Variants in POLR1F observed in about 807,000 individuals in gnomAD.
POLR1F encodes the protein DNA-directed RNA polymerase I subunit RPA43.
Under a neutral mutation model 21.8 loss-of-function variants are expected in POLR1F, and 23 were observed. That is an observed-to-expected ratio of 1.05 (90% CI 0.76 to 1.49). POLR1F has a LOEUF of 1.49. POLR1F is among the 40% of genes most tolerant of loss of function. The probability of loss-of-function intolerance (pLI) is 0.00; values close to 1 mark genes in which losing one functional copy is unlikely to be tolerated. For synonymous variants in POLR1F, 162 were observed against 152.8 expected, an observed-to-expected ratio of 1.06 and a Z score of -0.45; for missense variants, 435 against 412.1, an observed-to-expected ratio of 1.06 and a Z score of -0.48.
rs371562045 is a variant in POLR1F at position 19,698,285 on chromosome 7, C to G, written c.*31G>C. The stretch of plus-strand genomic sequence containing the variant: ...ATTCATCTATTGTATGTAGATCGAT[C>G]TTTTAAAAACTGAATCGTGTTTAAA... On this transcript the variant is annotated 3_prime_UTR_variant, in exon 4 of 4. Transcript: ENST00000222567. 5 of 1,521,250 alleles carry G rather than the reference C, an allele frequency of 3.3e-6. No homozygotes were observed. In the African/African-American group the frequency reaches 7.0e-5, roughly 21 times the overall value. 94.2% of individuals were successfully genotyped at this position (1,521,250 alleles called of 1,614,324 possible).
chr7:19,695,748 G>A lies in POLR1F; in HGVS notation c.*2568C>T, dbSNP rs1032270925. On this transcript the variant is annotated 3_prime_UTR_variant, in exon 4 of 4. Transcript: ENST00000222567. ...AGCCTTGTCTGGAAAAAGTTTATGC[G>A]AAGGTGGTGCCTGAGGTCTTTTACA... The A allele has an allele frequency of 1.1e-4, 16 of 152,104 alleles. No individual in the cohort carries two copies. Among genetic ancestry groups the A allele is most frequent in the African/African-American group, 2.4e-4 (10 of 41,426 alleles). 9.4% of individuals were successfully genotyped at this position (152,104 alleles called of 1,614,324 possible).
chr7:19,699,746 G>C lies in POLR1F; in HGVS notation c.605+326C>G, dbSNP rs554555816. On this transcript the variant is annotated intron_variant, in intron 3 of 3. Transcript: ENST00000222567. ...GGCCAATAGTTAGGAAGGTAATTGT[G>C]CTTTCAGTAGTTTCAAGTTTAGAGG... Among the ~76,000 whole-genome samples, 119 of 152,068 alleles carry C rather than the reference G, an allele frequency of 7.8e-4. 1 individual carries two copies. Among genetic ancestry groups the C allele is most frequent in the Non-Finnish European group, 1.5e-3 (101 of 67,970 alleles).
intron 1 of POLR1F, 72 bp from the exon 2 acceptor site, chr7:19,704,992 C>A: frequency 6.9e-7 from 1 of 1,452,974 alleles, no homozygotes; most frequent in South Asian, 1.5e-5. Flanking sequence ...GAGACAGGGT[C>A]TTGCTCTGTC....
rs1202932116 is a variant in POLR1F at position 19,698,407 on chromosome 7, T to C, written c.926A>G (p.Lys309Arg). 3.7e-6 allele frequency: 6 copies of C among 1,608,366 alleles called. No individual in the cohort carries two copies. Among genetic ancestry groups the C allele is most frequent in the African/African-American group, 1.3e-5 (1 of 74,402 alleles). The change falls in exon 4 of 4, where the codon AAA becomes AGA. Residue 309 changes from lysine to arginine, a missense_variant. Physicochemically the swap from Lys to Arg is conservative, Grantham distance 26. Coordinates refer to ENST00000222567, the MANE Select transcript of POLR1F (RefSeq NM_001002926.2). Reference sequence around the variant, plus strand: ...TTCACTGTGTTTTCTTTTCTTTTTTTTCTTTTTATGGTCACTTTGGTAACC... The same window carrying C: ...TTCACTGTGTTTTCTTTTCTTTTTTCTCTTTTTATGGTCACTTTGGTAACC... The part of the protein sequence containing the change: ...SSGYQSDHKK[K>R]KKKRKHSEEA...
chr7:19,703,321 G>A (rs1783468795), intron 2 of POLR1F, among the ~76,000 whole-genome samples: 1 of 152,134 alleles, frequency 6.6e-6, no homozygotes, highest in African/African-American at 2.4e-5. Flanking sequence ...AGAAGGAATT[G>A]GGCCAGGAAA....
At chr7:19,707,231 C>A (rs1030002807) in intron 1 of POLR1F, among the ~76,000 whole-genome samples, 2 of 152,138 alleles carry the variant, frequency 1.3e-5, no homozygotes, top group African/African-American at 4.8e-5. Flanking sequence ...TCTTAAACTG[C>A]AAATCTGATA....
At chr7:19,701,643 C>G (rs1246756326) in intron 2 of POLR1F, among the ~76,000 whole-genome samples, 1 of 152,122 alleles carries the variant, frequency 6.6e-6, no homozygotes, top group Non-Finnish European at 1.5e-5. Context: ...AGAGTAAATA[C>G]TAGGGACAAT....
intron 1 of POLR1F, among the ~76,000 whole-genome samples, chr7:19,706,054 GCCTT>G (rs1449085020): frequency 2.6e-5 from 4 of 152,092 alleles, no homozygotes; most frequent in African/African-American, 9.7e-5. Context: ...TGACTCTAAG[GCCTT>G]TGATAGCAAA....
intron 2 of POLR1F, among the ~76,000 whole-genome samples, chr7:19,701,208 A>T (rs941222137): frequency 1.3e-5 from 2 of 152,230 alleles, no homozygotes; most frequent in Non-Finnish European, 2.9e-5. Flanking sequence ...ATTATTCAGT[A>T]ATAAAGATAA....
At chr7:19,701,273 G>T (rs1783442864) in intron 2 of POLR1F, among the ~76,000 whole-genome samples, 1 of 152,190 alleles carries the variant, frequency 6.6e-6, no homozygotes, top group South Asian at 2.1e-4. Context: ...ATTGCTAAGT[G>T]AAAGAAGTCA....
At chr7:19,705,589 G>A (rs1231682586) in intron 1 of POLR1F, among the ~76,000 whole-genome samples, 3 of 152,176 alleles carry the variant, frequency 2.0e-5, no homozygotes. Context: ...TGACTTAATA[G>A]AGAAAATCCC....
Position 19,700,185 on chromosome 7 carries a change from C to T in POLR1F, c.492G>A (p.Glu164=). ...SIPKPEQLSA[E]QWQTMEINMG... ...TGTTTATCTCCATGGTTTGCCACTG[C>T]TCAGCTGACAACTGCTCAGGTTTAG... is the stretch of plus-strand genomic sequence containing the variant. The change falls in exon 3 of 4, where the codon GAG becomes GAA. Residue 164 remains glutamate, a synonymous_variant. Coordinates refer to ENST00000222567, the MANE Select transcript of POLR1F (RefSeq NM_001002926.2). The T allele has an allele frequency of 1.9e-6, 3 of 1,613,936 alleles. No individual in the cohort carries two copies. Among genetic ancestry groups the T allele is most frequent in the Non-Finnish European group, 2.5e-6 (3 of 1,179,862 alleles).
Position 19,700,326 on chromosome 7 carries a change from A to T in POLR1F, c.397-46T>A, listed in dbSNP as rs1353476046. On this transcript the variant is annotated intron_variant, in intron 2 of 3. Transcript: ENST00000222567. ...AGAGCGTAACATAAAGAACACATCC[A>T]CAAAGTTAAAAGGTGAACCAAACTT... The T allele has an allele frequency of 2.7e-6, 4 of 1,482,196 alleles. No homozygotes were observed. The Admixed American group carries it at 6.9e-5, about 25-fold the overall frequency. The allele number at this position is 1,482,196 out of a possible 1,614,324, so 91.8% of individuals were successfully genotyped here.
chr7:19,695,982 A>G lies in POLR1F; in HGVS notation c.*2334T>C, dbSNP rs1490956172. 1 of 152,180 alleles carries G rather than the reference A, an allele frequency of 6.6e-6. No individual in the cohort carries two copies. Among genetic ancestry groups the G allele is most frequent in the Non-Finnish European group, 1.5e-5 (1 of 67,990 alleles). 9.4% of individuals were successfully genotyped at this position (152,180 alleles called of 1,614,324 possible). A position where few individuals can be genotyped will look rare whatever the true frequency, so the allele number is the denominator to read the frequency against. On this transcript the variant is annotated 3_prime_UTR_variant, in exon 4 of 4. Coordinates refer to ENST00000222567, the MANE Select transcript of POLR1F (RefSeq NM_001002926.2). ...AGCCCTTAAGAGCAGAAACTGCTTAAAAGTCATTTCTGTATCACTGGTGAC... is the reference window on the plus strand; with the variant it reads ...AGCCCTTAAGAGCAGAAACTGCTTAGAAGTCATTTCTGTATCACTGGTGAC...
intron 2 of POLR1F, among the ~76,000 whole-genome samples, chr7:19,703,494 G>T (rs573170770): frequency 6.6e-6 from 1 of 152,238 alleles, no homozygotes; most frequent in South Asian, 2.1e-4. Context: ...AATATTTGAG[G>T]AGTGGATCTT....
chr7:19,703,321 G>T (rs1783468795), intron 2 of POLR1F, among the ~76,000 whole-genome samples: 1 of 152,134 alleles, frequency 6.6e-6, no homozygotes, highest in Non-Finnish European at 1.5e-5. Flanking sequence ...AGAAGGAATT[G>T]GGCCAGGAAA....
chr7:19,698,264 A>G lies in POLR1F; in HGVS notation c.*52T>C. On this transcript the variant is annotated 3_prime_UTR_variant, in exon 4 of 4. Transcript: ENST00000222567. ...TTCATATCACTGAAAACATTTATTCATCTATTGTATGTAGATCGATCTTTT... is the reference window on the plus strand; with the variant it reads ...TTCATATCACTGAAAACATTTATTCGTCTATTGTATGTAGATCGATCTTTT... 6.9e-7 allele frequency: 1 copy of G among 1,439,240 alleles called. No homozygotes were observed. The highest frequency in any genetic ancestry group is 9.2e-7 in the Non-Finnish European group (1 of 1,090,302). The allele number at this position is 1,439,240 out of a possible 1,614,324, so 89.2% of individuals were successfully genotyped here.
intron 2 of POLR1F, among the ~76,000 whole-genome samples, chr7:19,701,605 C>A (rs991871713): frequency 6.6e-6 from 1 of 152,154 alleles, no homozygotes; most frequent in African/African-American, 2.4e-5. Context: ...CGAAGACAGC[C>A]GGTTCTTACC....
At position 19,698,643 on chromosome 7, in the gene POLR1F, T is replaced by G; in HGVS notation, c.690A>C (p.Lys230Asn). ...EEAAKKPKKKKKKKDPETYEV... is the reference protein window; with the variant it reads ...EEAAKKPKKKNKKKDPETYEV... ...CATATGTCTCTGGGTCTTTCTTCTTTTTCTTCTTTTTAGGTTTTTTAGCAG... is the reference window on the plus strand; with the variant it reads ...CATATGTCTCTGGGTCTTTCTTCTTGTTCTTCTTTTTAGGTTTTTTAGCAG... The change falls in exon 4 of 4, where the codon AAA (lysine) becomes AAC (asparagine). Residue 230 changes from lysine (K) to asparagine (N), a missense_variant. Lys to Asn is a moderately conservative substitution (Grantham distance 94). Coordinates refer to ENST00000222567, the MANE Select transcript of POLR1F (RefSeq NM_001002926.2). 6.3e-7 allele frequency: 1 copy of G among 1,595,658 alleles called. No homozygotes were observed. The highest frequency in any genetic ancestry group is 8.5e-7 in the Non-Finnish European group (1 of 1,175,636).
Sources: allele counts gnomAD v4.1 joint callset (sites outside exome capture counted in the v4.1 genomes callset), GRCh38; gene constraint gnomAD v4.1.1; transcripts MANE v1.5; gene names NCBI Gene and HGNC (gene_info 2026-07-23, HGNC 2026-07-21).